PDE10A: variants seen among roughly 807,000 people sequenced by gnomAD.
The protein encoded by PDE10A is cAMP and cAMP-inhibited cGMP 3',5'-cyclic phosphodiesterase 10A.
In PDE10A, 39 loss-of-function variants were observed where a neutral mutation model predicts 97.7. The ratio of observed to expected loss-of-function variants is 0.40; its 90% CI spans 0.31 to 0.52. The LOEUF is 0.52. PDE10A is among the 20% of genes least tolerant of loss of function. The probability of loss-of-function intolerance (pLI) is 0.56; values close to 1 mark genes in which losing one functional copy is unlikely to be tolerated. For missense variants in PDE10A, 731 were observed against 1,047.8 expected (o/e 0.70, Z 4.17); for synonymous variants, 371 against 376.8 (o/e 0.98, Z 0.18).
At chr6:165,765,672 C>A (rs191186698) in intron 1 of PDE10A, among the ~76,000 whole-genome samples, 3 of 152,284 alleles carry the variant, frequency 2.0e-5, no homozygotes, top group South Asian at 2.1e-4. Context: ...CTCTCCCTCC[C>A]CACCTCCCTG....
At chr6:165,609,426 C>T (rs1787384839) in intron 1 of PDE10A, among the ~76,000 whole-genome samples, 3 of 152,178 alleles carry the variant, frequency 2.0e-5, no homozygotes, top group Non-Finnish European at 4.4e-5. Context: ...AAACTGGAAG[C>T]ATTCCCTTTG....
intron 1 of PDE10A, among the ~76,000 whole-genome samples, chr6:165,888,570 C>T (rs1562783656): frequency 6.6e-6 from 1 of 152,210 alleles, no homozygotes. Context: ...AGGCGTGAGC[C>T]ACCGCACCTG....
rs2128240105 is a variant in PDE10A, at chr6:165,435,276, G to C, written c.1296C>G (p.Ala432=). Residue 432 remains alanine (A), a synonymous_variant, in exon 6 of 22, where the codon GCC becomes GCG. Transcript: ENST00000539869. ...TQGTTVSAYV[A]KSRKTLLVED... is the part of the protein sequence containing the mutation. ...CTACTAGCAGTGTTTTCCTGGACTT[G>C]GCCACATAAGCAGAGACGGTGGTGC... is the stretch of plus-strand genomic sequence containing the variant. 1.9e-6 allele frequency: 3 copies of C among 1,614,022 alleles called. No homozygotes were observed. Among genetic ancestry groups the C allele is most frequent in the Non-Finnish European group, 2.5e-6 (3 of 1,179,946 alleles).
intron 1 of PDE10A, among the ~76,000 whole-genome samples, chr6:165,751,769 AT>A (rs1228190901): frequency 6.6e-6 from 1 of 152,142 alleles, no homozygotes; most frequent in Non-Finnish European, 1.5e-5. Flanking sequence ...GGAAGTTACC[AT>A]CCCTTTCCTA....
At chr6:165,806,658 CA>C (rs1426281054) in intron 1 of PDE10A, among the ~76,000 whole-genome samples, 3 of 151,968 alleles carry the variant, frequency 2.0e-5, no homozygotes, top group African/African-American at 7.2e-5. Context: ...CGCCCCCCCC[CA>C]GGCTCTTCTT....
intron 1 of PDE10A, among the ~76,000 whole-genome samples, chr6:165,736,559 A>T (rs1364624134): frequency 6.6e-6 from 1 of 152,178 alleles, no homozygotes. Context: ...AGGCTCTTTG[A>T]CCAATGGATC....
intron 3 of PDE10A, among the ~76,000 whole-genome samples, chr6:165,478,001 C>G (rs369200020): frequency 1.3e-5 from 2 of 152,176 alleles, no homozygotes; most frequent in South Asian, 2.1e-4. Context: ...GACAAGCTCT[C>G]TAAGAAGTGT....
chr6:165,626,633 G>A (rs1459076527), intron 1 of PDE10A, among the ~76,000 whole-genome samples: 1 of 152,154 alleles, frequency 6.6e-6, no homozygotes, highest in Admixed American at 6.5e-5. Flanking sequence ...TAATGTGTTA[G>A]GAAAGAAGAC....
At chr6:165,516,756 T>C (rs190353720) in intron 2 of PDE10A, among the ~76,000 whole-genome samples, 1 of 152,332 alleles carries the variant, frequency 6.6e-6, no homozygotes, top group East Asian at 1.9e-4. Flanking sequence ...TAACAAATAA[T>C]CATAAATATC....
At chr6:165,460,408 A>T (rs1350697627) in intron 3 of PDE10A, among the ~76,000 whole-genome samples, 1 of 152,244 alleles carries the variant, frequency 6.6e-6, no homozygotes, top group Non-Finnish European at 1.5e-5. Context: ...TGGGAATGGG[A>T]AAAAGTGAAA....
chr6:165,969,523 T>C (rs991167227), intron 1 of PDE10A, among the ~76,000 whole-genome samples: 3 of 152,162 alleles, frequency 2.0e-5, no homozygotes, highest in African/African-American at 7.2e-5. Context: ...ATGAAGGTGT[T>C]GATACGAATT....
intron 10 of PDE10A, among the ~76,000 whole-genome samples, chr6:165,422,758 G>A (rs58345136): frequency 0.08 from 12,106 of 151,980 alleles, 1,432 homozygotes; most frequent in African/African-American, 0.25. Flanking sequence ...GAAGACTCGG[G>A]GTTCAAGAAA....
intron 1 of PDE10A, among the ~76,000 whole-genome samples, chr6:165,725,460 G>T (rs1792269641): frequency 6.6e-6 from 1 of 152,220 alleles, no homozygotes; most frequent in African/African-American, 2.4e-5. Flanking sequence ...AGGGGTATGA[G>T]CAGTGGGGCA....
chr6:165,407,287 C>A (rs139353435), intron 13 of PDE10A, among the ~76,000 whole-genome samples: 2 of 152,138 alleles, frequency 1.3e-5, no homozygotes, highest in African/African-American at 4.8e-5. Flanking sequence ...GCACACTTAG[C>A]GAGCACGGGG....
intron 1 of PDE10A, among the ~76,000 whole-genome samples, chr6:165,555,617 TTAAGAA>T (rs1784213936): frequency 6.6e-6 from 1 of 152,242 alleles, no homozygotes; most frequent in Non-Finnish European, 1.5e-5. Flanking sequence ...TTACCTATAT[TTAAGAA>T]TATTTCATCT....
chr6:165,825,303 G>A (rs1779704427), intron 1 of PDE10A, among the ~76,000 whole-genome samples: 1 of 152,132 alleles, frequency 6.6e-6, no homozygotes, highest in South Asian at 2.1e-4. Context: ...GCCGAGGCCT[G>A]TGGTGGCCAA....
At chr6:165,365,590 T>C (rs762201847) in intron 18 of PDE10A, among the ~76,000 whole-genome samples, 1 of 152,148 alleles carries the variant, frequency 6.6e-6, no homozygotes, top group African/African-American at 2.4e-5. Flanking sequence ...TGTTTGCCTA[T>C]GGTCTCAGCT....
At chr6:165,712,706 C>A (rs1288424561) in intron 1 of PDE10A, among the ~76,000 whole-genome samples, 1 of 133,746 alleles carries the variant, frequency 7.5e-6, no homozygotes, top group Non-Finnish European at 1.5e-5. Flanking sequence ...GCGGCGCGAT[C>A]TCGGCTCACT....
chr6:165,419,547 C>T (rs529781902), intron 10 of PDE10A, among the ~76,000 whole-genome samples: 2 of 152,098 alleles, frequency 1.3e-5, no homozygotes, highest in Non-Finnish European at 2.9e-5. Flanking sequence ...TCCCATGGCC[C>T]ATGCTTTTAT....
Sources: allele counts gnomAD v4.1 joint callset (sites outside exome capture counted in the v4.1 genomes callset), GRCh38; gene constraint gnomAD v4.1.1; transcripts MANE v1.5; gene names NCBI Gene and HGNC (gene_info 2026-07-23, HGNC 2026-07-21).